Variants in ANKRD29 observed in about 807,000 individuals in gnomAD.
ANKRD29 encodes ankyrin repeat domain-containing protein 29.
In ANKRD29, 32 loss-of-function variants were observed where a neutral mutation model predicts 38.0. The ratio of observed to expected loss-of-function variants is 0.84; its 90% CI spans 0.64 to 1.13. The LOEUF (loss-of-function observed/expected upper bound fraction) is 1.13. Among genes scored for constraint, ANKRD29 ranks in the 50% most tolerant of loss-of-function variants. The pLI, the probability that ANKRD29 is intolerant of heterozygous loss-of-function variation, is 0.00. For missense variants in ANKRD29, 357 were observed against 377.9 expected (o/e 0.94, Z 0.46); for synonymous variants, 135 against 152.4 (o/e 0.89, Z 0.84).
Position 23,612,150 on chromosome 18 carries a change from T to A in ANKRD29, c.764A>T (p.Asn255Ile). 6.2e-7 allele frequency: 1 copy of A among 1,614,074 alleles called. No homozygotes were observed. Among genetic ancestry groups the A allele is most frequent in the Non-Finnish European group, 8.5e-7 (1 of 1,180,002 alleles). The change falls in exon 9 of 10, where the codon AAC (asparagine) becomes ATC (isoleucine). Residue 255 changes from asparagine to isoleucine, a missense_variant. Transcript: ENST00000592179. Reference protein sequence around the residue: ...SALHAAVLSGNIKTVALLLEA... With the variant: ...SALHAAVLSGIIKTVALLLEA... The stretch of plus-strand genomic sequence containing the variant: ...TAGGAGCAGCGCAACTGTTTTAATG[T>A]TTCCACTGAGCACTGCTGCATGGAG...
chr18:23,632,761 G>A (rs577121436), intron 5 of ANKRD29, among the ~76,000 whole-genome samples: 10 of 152,002 alleles, frequency 6.6e-5, no homozygotes, highest in East Asian at 1.9e-4. Flanking sequence ...GTTGAGAATC[G>A]CCTCTTTAGA....
At chr18:23,601,827 G>C (rs1229661325) in intron 9 of ANKRD29, among the ~76,000 whole-genome samples, 1 of 151,828 alleles carries the variant, frequency 6.6e-6, no homozygotes. Context: ...GCACCACTAT[G>C]CTCGGCTAAT....
intron 9 of ANKRD29, 74 bp downstream of exon 9, chr18:23,612,018 A>G: frequency 7.5e-7 from 1 of 1,334,058 alleles, no homozygotes; most frequent in Non-Finnish European, 1.1e-6. Flanking sequence ...GGAGCCAGGG[A>G]GATGTTTATC....
intron 8 of ANKRD29, among the ~76,000 whole-genome samples, chr18:23,616,782 AATAAT>A (rs533121062): frequency 1.3e-3 from 189 of 147,012 alleles, no homozygotes; most frequent in African/African-American, 4.4e-3. Context: ...TAATATAATA[AATAAT>A]ATAATATAAT....
At chr18:23,644,067 G>A (rs1005655539) in intron 3 of ANKRD29, among the ~76,000 whole-genome samples, 11 of 152,210 alleles carry the variant, frequency 7.2e-5, no homozygotes, top group African/African-American at 1.9e-4. Context: ...TTTGAGCCAC[G>A]CAGGTTACCT....
chr18:23,613,425 G>T (rs1336405049), intron 8 of ANKRD29, among the ~76,000 whole-genome samples: 1 of 151,852 alleles, frequency 6.6e-6, no homozygotes, highest in Non-Finnish European at 1.5e-5. Context: ...GCCCACCTCA[G>T]CCTCCCAAAG....
chr18:23,631,060 C>G (rs1199037652), intron 5 of ANKRD29, among the ~76,000 whole-genome samples: 1 of 151,714 alleles, frequency 6.6e-6, no homozygotes, highest in Non-Finnish European at 1.5e-5. Context: ...CTTTCTTGTC[C>G]CCTTATCCTT....
At chr18:23,648,798 G>A in intron 2 of ANKRD29, 1 of 416,332 alleles carries the variant, frequency 2.4e-6, no homozygotes, top group East Asian at 3.5e-5. Flanking sequence ...TCACTAAACA[G>A]GCTTTTCTTC....
At chr18:23,655,096 T>C (rs1260881478) in intron 1 of ANKRD29, among the ~76,000 whole-genome samples, 1 of 152,194 alleles carries the variant, frequency 6.6e-6, no homozygotes, top group Non-Finnish European at 1.5e-5. Context: ...TGTCCCACTT[T>C]GTGCTAAGTA....
chr18:23,601,142 G>T lies in ANKRD29; in HGVS notation c.*84C>A, dbSNP rs1032931227. 3.1e-6 allele frequency: 4 copies of T among 1,276,462 alleles called. No individual in the cohort carries two copies. The highest frequency in any genetic ancestry group is 1.5e-5 in the African/African-American group (1 of 65,962). 79.1% of individuals were successfully genotyped at this position (1,276,462 alleles called of 1,614,324 possible). On this transcript the variant is annotated 3_prime_UTR_variant, in exon 10 of 10. Transcript: ENST00000592179. The stretch of plus-strand genomic sequence containing the variant: ...CTGGGCATCTTTTTTTTTCATAAAA[G>T]AATTTCCAACACTGCTTGAAATGCA...
chr18:23,621,595 T>C (rs751683528), intron 6 of ANKRD29, among the ~76,000 whole-genome samples: 14 of 152,224 alleles, frequency 9.2e-5, no homozygotes, highest in Non-Finnish European at 1.9e-4. Flanking sequence ...TACTTTAATT[T>C]GTACTTTAGT....
chr18:23,659,667 C>G (rs368646488), intron 1 of ANKRD29, among the ~76,000 whole-genome samples: 3 of 151,182 alleles, frequency 2.0e-5, no homozygotes, highest in Non-Finnish European at 4.4e-5. Flanking sequence ...TGCTTGAACC[C>G]GGGAGGCAGA....
intron 9 of ANKRD29, 47 bp downstream of exon 9, chr18:23,612,045 G>T: frequency 6.5e-7 from 1 of 1,541,408 alleles, no homozygotes; most frequent in Non-Finnish European, 8.9e-7. Flanking sequence ...GGCCTAGGAG[G>T]ACACATCAAT....
chr18:23,601,386 AC>A, intron 9 of ANKRD29, 77 bp from the exon 10 acceptor site: 1 of 1,192,388 alleles, frequency 8.4e-7, no homozygotes, highest in Non-Finnish European at 1.2e-6. Context: ...GGGGCATTTG[AC>A]CCACTCTTTC....
At chr18:23,619,238 C>CCGGGAGGCCCCCAGGACAGG (rs555894716) in intron 7 of ANKRD29, among the ~76,000 whole-genome samples, 12 of 151,794 alleles carry the variant, frequency 7.9e-5, no homozygotes, top group Middle Eastern at 3.4e-3. Context: ...CCCAGGACAG[C>CCGGGAGGCCCCCAGGACAGG]CGGGAGGCCC....
At chr18:23,611,223 A>C (rs1230005521) in intron 9 of ANKRD29, among the ~76,000 whole-genome samples, 1 of 152,232 alleles carries the variant, frequency 6.6e-6, no homozygotes, top group Non-Finnish European at 1.5e-5. Context: ...GCAACCAAAT[A>C]TAGCACAAGC....
intron 6 of ANKRD29, among the ~76,000 whole-genome samples, chr18:23,620,085 T>G (rs1272371197): frequency 6.6e-6 from 1 of 152,076 alleles, no homozygotes; most frequent in Admixed American, 6.5e-5. Context: ...GCTTTCCCAG[T>G]GGGTCACACC....
chr18:23,648,221 G>C (rs940475733), intron 2 of ANKRD29, among the ~76,000 whole-genome samples: 3 of 152,252 alleles, frequency 2.0e-5, no homozygotes, highest in Non-Finnish European at 4.4e-5. Context: ...GTGGGACTAA[G>C]AGCGAGAAGG....
At chr18:23,623,621 A>AT (rs1472353868) in intron 6 of ANKRD29, among the ~76,000 whole-genome samples, 6 of 151,808 alleles carry the variant, frequency 4.0e-5, no homozygotes, top group African/African-American at 1.4e-4. Context: ...CCCCATCTCT[A>AT]TAAAAAAAAG....
Sources: gnomAD v4.1 joint callset for allele counts (sites outside exome capture counted in the v4.1 genomes callset) on GRCh38, gnomAD v4.1.1 for gene constraint, MANE v1.5 for transcripts, NCBI Gene and HGNC (gene_info 2026-07-23, HGNC 2026-07-21) for gene names.